Variants in MYCBP2 observed in about 807,000 individuals in gnomAD.
MYCBP2 encodes the protein MYC binding protein 2, also known as E3 ubiquitin-protein ligase MYCBP2.
Under a neutral mutation model 525.3 loss-of-function variants are expected in MYCBP2, and 120 were observed. The ratio of observed to expected loss-of-function variants is 0.23; its 90% confidence interval spans 0.20 to 0.27. MYCBP2 has a LOEUF of 0.27. MYCBP2 is among the 10% of genes least tolerant of loss of function. The pLI, the probability that MYCBP2 is intolerant of heterozygous loss-of-function variation, is 1.00. For synonymous variants in MYCBP2, 1,894 were observed against 1,955.8 expected, an observed-to-expected ratio of 0.97 and a Z score of 0.83; for missense variants, 4,149 against 5,657.1, an observed-to-expected ratio of 0.73 and a Z score of 8.55.
At chr13:77,174,067 C>T (rs1053026659) in intron 37 of MYCBP2, among the ~76,000 whole-genome samples, 1 of 152,174 alleles carries the variant, frequency 6.6e-6, no homozygotes, top group Admixed American at 6.5e-5. Flanking sequence ...ATGCCCAGTA[C>T]ACAAACATTT....
At chr13:77,325,001 T>C (rs1594931421) in intron 1 of MYCBP2, among the ~76,000 whole-genome samples, 2 of 152,264 alleles carry the variant, frequency 1.3e-5, no homozygotes, top group Admixed American at 1.3e-4. Context: ...AGAAACAGAC[T>C]TGTGCCATTC....
intron 4 of MYCBP2, among the ~76,000 whole-genome samples, chr13:77,275,238 T>G (rs1250487713): frequency 6.6e-6 from 1 of 152,206 alleles, no homozygotes; most frequent in Admixed American, 6.5e-5. Context: ...ACAATATTCT[T>G]CATGTAATGA....
intron 16 of MYCBP2, among the ~76,000 whole-genome samples, 184 bp downstream of exon 16, chr13:77,243,620 GAA>G (rs68189974): frequency 1.8e-5 from 2 of 110,036 alleles, no homozygotes; most frequent in African/African-American, 3.4e-5. Context: ...CTCAAAAAAA[GAA>G]AAAAAAAAAA....
At chr13:77,103,527 T>C (rs1310483951) in intron 55 of MYCBP2, among the ~76,000 whole-genome samples, 1 of 152,102 alleles carries the variant, frequency 6.6e-6, no homozygotes. Context: ...TGTGTTAAGG[T>C]CCAAATTTGT....
intron 63 of MYCBP2, 119 bp downstream of exon 63, chr13:77,082,913 A>G: frequency 1.1e-6 from 1 of 932,198 alleles, no homozygotes; most frequent in East Asian, 2.6e-5. Flanking sequence ...GGCACCATCT[A>G]TATAATGTAG....
intron 61 of MYCBP2, among the ~76,000 whole-genome samples, chr13:77,088,571 A>G (rs778255745): frequency 6.6e-6 from 1 of 151,922 alleles, no homozygotes; most frequent in Non-Finnish European, 1.5e-5. Flanking sequence ...AAAAGCTTTT[A>G]AAAAAAAGAT....
intron 60 of MYCBP2, 147 bp downstream of exon 60, chr13:77,089,958 CA>C: frequency 3.2e-6 from 2 of 631,912 alleles, no homozygotes; most frequent in South Asian, 6.2e-5. Flanking sequence ...ATAGCTATGT[CA>C]TATAGAAGGA....
chr13:77,204,304 C>T lies in MYCBP2; in HGVS notation c.3843+952G>A, dbSNP rs1225406958. 1.6e-3 allele frequency among the ~76,000 whole-genome samples: 241 copies of T among 150,578 alleles called. 1 individual carries two copies. Among genetic ancestry groups the T allele is most frequent in the African/African-American group, 5.2e-3 (212 of 41,078 alleles). On this transcript the variant is annotated intron_variant, in intron 26 of 82. Transcript: ENST00000544440. ...CAAAAAACACTTGAAAAAATGCTCA[C>T]CATCACTGGCCATCAGAGAAATGCA...
chr13:77,279,022 T>A, intron 3 of MYCBP2, 111 bp from the exon 4 acceptor site: 1 of 612,874 alleles, frequency 1.6e-6, no homozygotes, highest in Non-Finnish European at 2.5e-6. Flanking sequence ...TGTATATGTA[T>A]AATGGAGCCA....
At position 77,051,063 on chromosome 13, in the gene MYCBP2, C is replaced by T; in HGVS notation, c.13855G>A (p.Ala4619Thr). 1 of 1,613,342 alleles carries T rather than the reference C, an allele frequency of 6.2e-7. No homozygotes were observed. The highest frequency in any genetic ancestry group is 8.5e-7 in the Non-Finnish European group (1 of 1,179,692). The change falls in exon 82 of 83, where the codon GCT (alanine) becomes ACT (threonine). Residue 4619 changes from alanine to threonine, a missense_variant. By Grantham distance (58) the Ala-to-Thr change is moderately conservative. Transcript: ENST00000544440. ...ATTCTTTGAAAATCATCATGACAAG[C>T]ATTACAAAAATGTGTTGTTCCAAAA... ...FCFGTTHFCN[A>T]CHDDFQRMTS... is the part of the protein sequence containing the mutation.
chr13:77,126,167 GA>G (rs1483946522), intron 53 of MYCBP2, 150 bp downstream of exon 53: 2 of 606,660 alleles, frequency 3.3e-6, no homozygotes, highest in African/African-American at 1.9e-5. Context: ...CAGAAGCACA[GA>G]AAAATTATGT....
chr13:77,062,736 G>A, intron 73 of MYCBP2, 39 bp from the exon 74 acceptor site: 3 of 1,528,998 alleles, frequency 2.0e-6, no homozygotes, highest in Non-Finnish European at 2.7e-6. Flanking sequence ...TGAATTTTTA[G>A]GAAAGACTTA....
chr13:77,239,016 A>C (rs1373775205), intron 17 of MYCBP2, among the ~76,000 whole-genome samples: 1 of 152,182 alleles, frequency 6.6e-6, no homozygotes, highest in African/African-American at 2.4e-5. Flanking sequence ...GCTACTCGGG[A>C]GGCCGAGGCA....
At chr13:77,054,789 T>C (rs762101588) in intron 80 of MYCBP2, among the ~76,000 whole-genome samples, 5 of 151,958 alleles carry the variant, frequency 3.3e-5, no homozygotes, top group African/African-American at 7.3e-5. Context: ...CTTGTAGAGA[T>C]GGGGTTTTGC....
In MYCBP2 at chr13:77,191,780, A is replaced by T. The variant is rs893743868; in HGVS notation, c.3969T>A (p.Val1323=). The part of the protein sequence containing the change: ...EKYAMMFDEP[V]LLQAGWWYVA... The stretch of plus-strand genomic sequence containing the variant: ...CATACCACCACCCAGCTTGCAGGAG[A>T]ACAGGCTCATCAAACATCATTGCAT... The change falls in exon 28 of 83, where the codon GTT becomes GTA. Residue 1323 remains valine, a synonymous_variant. Coordinates refer to ENST00000544440, the MANE Select transcript of MYCBP2 (RefSeq NM_015057.5). 7 of 1,614,090 alleles carry T rather than the reference A, an allele frequency of 4.3e-6. No homozygotes were observed. The highest frequency in any genetic ancestry group is 5.9e-6 in the Non-Finnish European group (7 of 1,179,992).
At chr13:77,165,444 T>G (rs1414841672) in intron 41 of MYCBP2, 53 bp from the exon 42 acceptor site, 25 of 1,315,006 alleles carry the variant, frequency 1.9e-5, no homozygotes, top group Non-Finnish European at 2.7e-5. Flanking sequence ...TTATAAAAAT[T>G]TCCCTGTCTT....
chr13:77,139,859 C>T (rs11618643), intron 51 of MYCBP2, among the ~76,000 whole-genome samples, 188 bp downstream of exon 51: 62,323 of 152,040 alleles, frequency 0.41, 15,462 homozygotes, highest in African/African-American at 0.68. Flanking sequence ...TAATTTTAGT[C>T]ATTTTTTAAT....
intron 80 of MYCBP2, among the ~76,000 whole-genome samples, chr13:77,054,550 C>A (rs2037478731): frequency 6.6e-6 from 1 of 151,174 alleles, no homozygotes; most frequent in African/African-American, 2.4e-5. Context: ...CAAGAGAGAT[C>A]TGGAGACAGA....
At chr13:77,201,992 G>A (rs538789305) in intron 26 of MYCBP2, among the ~76,000 whole-genome samples, 147 of 152,228 alleles carry the variant, frequency 9.7e-4, no homozygotes, top group Non-Finnish European at 1.3e-3. Context: ...AACTAGAAAA[G>A]CAAGAGCAAA....
Sources: allele counts gnomAD v4.1 joint callset (sites outside exome capture counted in the v4.1 genomes callset), GRCh38; gene constraint gnomAD v4.1.1; transcripts MANE v1.5; gene names NCBI Gene and HGNC (gene_info 2026-07-23, HGNC 2026-07-21).